The following HEG1 variants were observed in gnomAD, a reference collection of about 807,000 sequenced individuals.
The protein encoded by HEG1 is heart development protein with EGF like domains 1, also known as protein HEG homolog 1.
HEG1 carries 56 observed loss-of-function variants against 125.6 expected under a neutral mutation model. That is an observed-to-expected ratio of 0.45 (90% CI 0.36 to 0.56). HEG1 has a LOEUF of 0.56. HEG1 is among the 20% of genes least tolerant of loss of function. The probability of loss-of-function intolerance (pLI) is 0.00; values close to 1 mark genes in which losing one functional copy is unlikely to be tolerated. For missense variants in HEG1, 1,523 were observed against 1,670.0 expected, an observed-to-expected ratio of 0.91 and a Z score of 1.53; for synonymous variants, 644 against 668.5, an observed-to-expected ratio of 0.96 and a Z score of 0.57.
intron 3 of HEG1, among the ~76,000 whole-genome samples, 197 bp from the exon 4 acceptor site, chr3:125,021,327 C>T (rs908210066): frequency 2.0e-5 from 3 of 152,076 alleles, no homozygotes; most frequent in Non-Finnish European, 4.4e-5. Flanking sequence ...TAGGTCTAAT[C>T]CTCACAGAGG....
intron 3 of HEG1, among the ~76,000 whole-genome samples, chr3:125,023,010 A>T (rs1245580067): frequency 6.6e-6 from 1 of 152,184 alleles, no homozygotes; most frequent in Non-Finnish European, 1.5e-5. Flanking sequence ...CCTGGCCAAC[A>T]TGGTGAAACA....
chr3:124,999,669 C>T (rs1936972892), intron 11 of HEG1, among the ~76,000 whole-genome samples: 1 of 152,244 alleles, frequency 6.6e-6, no homozygotes. Flanking sequence ...AGTTGCTACC[C>T]TACAAATTCT....
chr3:125,032,873 G>A (rs1317414213), intron 1 of HEG1, among the ~76,000 whole-genome samples: 2 of 152,116 alleles, frequency 1.3e-5, no homozygotes, highest in Non-Finnish European at 2.9e-5. Flanking sequence ...CGGGGCCTTT[G>A]AGGAAGCAGC....
intron 5 of HEG1, among the ~76,000 whole-genome samples, chr3:125,016,349 G>A (rs1579420227): frequency 6.6e-6 from 1 of 152,180 alleles, no homozygotes; most frequent in African/African-American, 2.4e-5. Flanking sequence ...ATGGTTTCAG[G>A]AATGTGGCTA....
chr3:125,017,350 C>T (rs1346348976), intron 5 of HEG1, among the ~76,000 whole-genome samples: 3 of 152,070 alleles, frequency 2.0e-5, no homozygotes, highest in African/African-American at 7.2e-5. Flanking sequence ...CCACCACAGC[C>T]GGCCATAAAG....
At position 125,029,286 on chromosome 3, in the gene HEG1, G is replaced by A. The variant is rs779773684; in HGVS notation, c.519C>T (p.Ser173=). Residue 173 remains serine (S), a synonymous_variant, in exon 2 of 17, where the codon AGC becomes AGT. Transcript: ENST00000311127. ...TGAAGTTTGTTCTACTTGAAGAGCC[G>A]CTCCTTCCTCTAGCATCTGCTGTTT... ...LAETADARGR[S]GSSSRTNFTI... 1.6e-5 allele frequency: 26 copies of A among 1,613,686 alleles called. No individual in the cohort carries two copies. The Admixed American group carries it at 2.3e-4, about 14-fold the overall frequency.
intron 15 of HEG1, among the ~76,000 whole-genome samples, chr3:124,976,146 C>T (rs1936531218): frequency 6.6e-6 from 1 of 152,102 alleles, no homozygotes; most frequent in African/African-American, 2.4e-5. Flanking sequence ...CTGATTTTTC[C>T]ACTTCCTCAC....
Position 125,005,352 on chromosome 3 carries a change from T to G in HEG1, c.3210A>C (p.Thr1070=), listed in dbSNP as rs755415148. 2 of 1,573,676 alleles carry G rather than the reference T, an allele frequency of 1.3e-6. No homozygotes were observed. The highest frequency in any genetic ancestry group is 4.5e-5 in the East Asian group (2 of 44,614). The change falls in exon 9 of 17, where the codon ACA becomes ACC. Residue 1070 remains threonine, a synonymous_variant. Coordinates refer to ENST00000311127, the MANE Select transcript of HEG1 (RefSeq NM_020733.2). ...GICNLVRTFV[T]EFKLKRTFLN... is the part of the protein sequence containing the mutation. ...GAAAAGTTCTCTTTAATTTAAACTCTGTCACGAAGGTTCTAACTGAAAATG... is the reference window on the plus strand; with the variant it reads ...GAAAAGTTCTCTTTAATTTAAACTCGGTCACGAAGGTTCTAACTGAAAATG...
chr3:125,019,466 T>C lies in HEG1; in HGVS notation c.1384A>G (p.Asn462Asp). 6.2e-7 allele frequency: 1 copy of C among 1,614,030 alleles called. No individual in the cohort carries two copies. The change falls in exon 5 of 17, where the codon AAC becomes GAC. Residue 462 changes from asparagine (N) to aspartate (D), a missense_variant. Coordinates refer to ENST00000311127, the MANE Select transcript of HEG1 (RefSeq NM_020733.2). ...GTCACATCTGCAGATGTTGTGCTGT[T>C]GGTCAAGAGCCAGTGTGCAGTGATC... Reference protein sequence around the residue: ...GEITAHWLLTNSTTSADVTGS... With the variant: ...GEITAHWLLTDSTTSADVTGS...
intron 15 of HEG1, among the ~76,000 whole-genome samples, chr3:124,975,611 C>T (rs1251316844): frequency 1.3e-5 from 2 of 152,238 alleles, no homozygotes; most frequent in African/African-American, 4.8e-5. Context: ...ACCATCATCA[C>T]AATTTTAGAA....
Position 125,019,492 on chromosome 3 carries a change from T to C in HEG1, c.1358A>G (p.Glu453Gly), listed in dbSNP as rs779367254. 2 of 1,613,998 alleles carry C rather than the reference T, an allele frequency of 1.2e-6. No individual in the cohort carries two copies. Among genetic ancestry groups the C allele is most frequent in the Non-Finnish European group, 8.5e-7 (1 of 1,179,888 alleles). The change falls in exon 5 of 17, where the codon GAG becomes GGG. Residue 453 changes from glutamate to glycine, a missense_variant. Transcript: ENST00000311127. ...SRSVAPMRGG[E>G]ITAHWLLTNS... Reference sequence around the variant, plus strand: ...GGTCAAGAGCCAGTGTGCAGTGATCTCTCCACCTCTCATGGGTGCGACTGA... The same window carrying C: ...GGTCAAGAGCCAGTGTGCAGTGATCCCTCCACCTCTCATGGGTGCGACTGA...
intron 7 of HEG1, 66 bp from the exon 8 acceptor site, chr3:125,009,890 A>G (rs1937126427): frequency 1.3e-6 from 2 of 1,513,112 alleles, no homozygotes; most frequent in African/African-American, 1.4e-5. Context: ...AACCCAGTGT[A>G]GTAAGTACTT....
At chr3:125,000,688 C>T (rs1448424639) in intron 11 of HEG1, among the ~76,000 whole-genome samples, 1 of 152,042 alleles carries the variant, frequency 6.6e-6, no homozygotes, top group African/African-American at 2.4e-5. Context: ...ATCTGGCTCC[C>T]AAGCTCTGTA....
intron 11 of HEG1, among the ~76,000 whole-genome samples, chr3:124,998,540 A>AC (rs1936957799): frequency 6.6e-6 from 1 of 152,228 alleles, no homozygotes; most frequent in East Asian, 1.9e-4. Flanking sequence ...GTTGGTACAC[A>AC]TGGCCGCCTG....
chr3:125,041,526 T>G (rs1375593598), intron 1 of HEG1, among the ~76,000 whole-genome samples: 2 of 152,236 alleles, frequency 1.3e-5, no homozygotes, highest in East Asian at 3.8e-4. Flanking sequence ...GTGCAGCCAC[T>G]GTGGAAAACA....
At position 125,040,246 on chromosome 3, in the gene HEG1, C is replaced by T. The variant is rs796175003; in HGVS notation, c.317-10758G>A. Reference sequence around the variant, plus strand: ...AGGAGAAAGGACAGGATATGACATACGAAGGGAAAAATCAAGGATCAAGGA... The same window carrying T: ...AGGAGAAAGGACAGGATATGACATATGAAGGGAAAAATCAAGGATCAAGGA... On this transcript the variant is annotated intron_variant, in intron 1 of 16. Transcript: ENST00000311127. Among the ~76,000 whole-genome samples the T allele has an allele frequency of 2.2e-4, 34 of 152,128 alleles. No individual in the cohort carries two copies. The South Asian group carries it at 2.5e-3, about 11-fold the overall frequency.
intron 9 of HEG1, among the ~76,000 whole-genome samples, chr3:125,002,672 G>C (rs1462891773): frequency 6.6e-6 from 1 of 152,170 alleles, no homozygotes; most frequent in Non-Finnish European, 1.5e-5. Context: ...CATAGTGAAC[G>C]AGCTGCACTG....
intron 1 of HEG1, among the ~76,000 whole-genome samples, chr3:125,048,267 C>T (rs570015106): frequency 6.6e-6 from 1 of 152,342 alleles, no homozygotes; most frequent in Non-Finnish European, 1.5e-5. Context: ...CTTTCCAGCT[C>T]CTTAAGAGAC....
At chr3:125,028,869 C>T (rs971490469) in intron 2 of HEG1, among the ~76,000 whole-genome samples, 11 of 152,180 alleles carry the variant, frequency 7.2e-5, no homozygotes, top group Non-Finnish European at 1.3e-4. Context: ...ACAAACCAAA[C>T]CCAAGCCTGT....
Sources: allele counts gnomAD v4.1 joint callset (sites outside exome capture counted in the v4.1 genomes callset), GRCh38; gene constraint gnomAD v4.1.1; transcripts MANE v1.5; gene names NCBI Gene and HGNC (gene_info 2026-07-23, HGNC 2026-07-21).